Variants in ZKSCAN7 observed in about 807,000 individuals in gnomAD.
The protein encoded by ZKSCAN7 is zinc finger with KRAB and SCAN domains 7, also known as zinc finger protein with KRAB and SCAN domains 7.
A neutral mutation model predicts 65.3 loss-of-function variants in ZKSCAN7; 38 were observed. The observed-to-expected ratio is 0.58, with a 90% CI of 0.45 to 0.76. The LOEUF (loss-of-function observed/expected upper bound fraction) is 0.76, where lower values mean the gene tolerates loss of function less well. ZKSCAN7 is among the 30% of genes least tolerant of loss of function. ZKSCAN7 has a pLI of 0.00. For missense variants in ZKSCAN7, 815 were observed against 913.3 expected, an observed-to-expected ratio of 0.89 and a Z score of 1.39; for synonymous variants, 321 against 321.0, an observed-to-expected ratio of 1.00 and a Z score of 0.00.
In ZKSCAN7 at chr3:44,571,060, T is replaced by G. The variant is rs923059537; in HGVS notation, c.1950T>G (p.Leu650=). ...CGKSFNQNSH[L]IIHQRIHTGE... is the part of the protein sequence containing the mutation. Reference sequence around the variant, plus strand: ...AATCCTTCAATCAAAACTCACACCTTATTATACACCAGAGAATTCACACTG... The same window carrying G: ...AATCCTTCAATCAAAACTCACACCTGATTATACACCAGAGAATTCACACTG... The change falls in exon 6 of 6, where the codon CTT becomes CTG. Residue 650 remains leucine, a synonymous_variant. Coordinates refer to ENST00000426540, the MANE Select transcript of ZKSCAN7 (RefSeq NM_001288590.2). 1 of 1,614,088 alleles carries G rather than the reference T, an allele frequency of 6.2e-7. No individual in the cohort carries two copies. The highest frequency in any genetic ancestry group is 1.1e-5 in the South Asian group (1 of 91,074).
rs761118662 is a variant in ZKSCAN7, at chr3:44,557,379, G to A, written c.332G>A (p.Arg111Gln). 3.5e-5 allele frequency: 57 copies of A among 1,614,102 alleles called. No individual in the cohort carries two copies. Among genetic ancestry groups the A allele is most frequent in the African/African-American group, 8.0e-5 (6 of 74,922 alleles). ...CTGAGCATCCTCCCTGGGGAGCTCC[G>A]GACCTGGGTGCAGCTGCATCACCCT... ...QFLSILPGEL[R>Q]TWVQLHHPES... Residue 111 changes from arginine to glutamine, a missense_variant, in exon 2 of 6, where the codon CGG (arginine) becomes CAG (glutamine). Physicochemically the swap from Arg to Gln is conservative, Grantham distance 43 (BLOSUM62 1). Around this residue, in one of 3 missense-constraint regions of ZKSCAN7, gnomAD observed 227 missense variants for 253.3 expected, o/e 0.90. Transcript: ENST00000426540.
intron 2 of ZKSCAN7, among the ~76,000 whole-genome samples, chr3:44,559,317 A>C (rs994465635): frequency 1.3e-5 from 2 of 150,120 alleles, no homozygotes; most frequent in Non-Finnish European, 3.0e-5. Flanking sequence ...ATGAGTTTCA[A>C]ATTGTTCCCC....
At chr3:44,559,249 T>A (rs1195042316) in intron 2 of ZKSCAN7, among the ~76,000 whole-genome samples, 1 of 152,134 alleles carries the variant, frequency 6.6e-6, no homozygotes, top group East Asian at 1.9e-4. Flanking sequence ...GATGTTTGAT[T>A]AGTACCAAGT....
chr3:44,561,553 A>G (rs1699476068), intron 2 of ZKSCAN7, among the ~76,000 whole-genome samples: 1 of 152,218 alleles, frequency 6.6e-6, no homozygotes, highest in South Asian at 2.1e-4. Context: ...CACAGTCCAA[A>G]GTCTCATCTG....
At chr3:44,558,706 C>CTTCTTT (rs958649431) in intron 2 of ZKSCAN7, among the ~76,000 whole-genome samples, 1 of 149,450 alleles carries the variant, frequency 6.7e-6, no homozygotes, top group Non-Finnish European at 1.5e-5. Flanking sequence ...TTTGTCCTTT[C>CTTCTTT]TTCTTTTTCC....
intron 1 of ZKSCAN7, among the ~76,000 whole-genome samples, chr3:44,556,096 A>C (rs1445058927): frequency 6.6e-6 from 1 of 152,222 alleles, no homozygotes; most frequent in Non-Finnish European, 1.5e-5. Flanking sequence ...CCACCTCTCT[A>C]AGCCTAGCGT....
At chr3:44,560,949 C>A (rs1308027045) in intron 2 of ZKSCAN7, among the ~76,000 whole-genome samples, 1 of 152,182 alleles carries the variant, frequency 6.6e-6, no homozygotes, top group Non-Finnish European at 1.5e-5. Context: ...GTGGTTGTTT[C>A]TGATTACCAT....
At chr3:44,579,891 C>G (rs185431219) in intron 5 of ZKSCAN7, 1 of 1,602,322 alleles carries the variant, frequency 6.2e-7, no homozygotes, top group Admixed American at 1.7e-5. Context: ...TCGGGCGTCA[C>G]GGAGGGCTCT....
intron 5 of ZKSCAN7, chr3:44,580,680 C>T (rs1409757766): frequency 6.2e-7 from 1 of 1,613,986 alleles, no homozygotes; most frequent in East Asian, 2.2e-5. Context: ...CAGGGAGAAC[C>T]TCTGGCCCGT....
rs1020277044 is a variant in ZKSCAN7 at position 44,570,912 on chromosome 3, A to G, written c.1802A>G (p.His601Arg). ...CAACTCATTGAGCATGAGCGAATTC[A>G]TACTGGAGAAAAACCTTTTGAATGT... The part of the protein sequence containing the change: ...NSQLIEHERI[H>R]TGEKPFECSE... The change falls in exon 6 of 6, where the codon CAT becomes CGT. Residue 601 changes from histidine to arginine, a missense_variant. Transcript: ENST00000426540. 3 of 1,614,212 alleles carry G rather than the reference A, an allele frequency of 1.9e-6. No individual in the cohort carries two copies. Among genetic ancestry groups the G allele is most frequent in the Non-Finnish European group, 8.5e-7 (1 of 1,180,020 alleles).
At chr3:44,562,024 C>T (rs1206137823) in intron 2 of ZKSCAN7, among the ~76,000 whole-genome samples, 1 of 152,266 alleles carries the variant, frequency 6.6e-6, no homozygotes, top group African/African-American at 2.4e-5. Context: ...GTGGGGGCTC[C>T]AACCTTGCAT....
chr3:44,569,104 A>T (rs1216180100), intron 5 of ZKSCAN7, among the ~76,000 whole-genome samples: 6 of 152,210 alleles, frequency 3.9e-5, no homozygotes, highest in Admixed American at 6.5e-5. Context: ...TCATTGCTAT[A>T]GCCATTACGC....
Position 44,572,137 on chromosome 3 carries a change from A to G in ZKSCAN7, c.*762A>G. The G allele has an allele frequency of 4.1e-6, 4 of 985,160 alleles. No homozygotes were observed. The highest frequency in any genetic ancestry group is 4.8e-6 in the Non-Finnish European group (4 of 829,708). The allele number at this position is 985,160 out of a possible 1,614,324, so 61.0% of individuals were successfully genotyped here. A position where few individuals can be genotyped will look rare whatever the true frequency, so the allele number is the denominator to read the frequency against. On this transcript the variant is annotated 3_prime_UTR_variant, in exon 6 of 6. Transcript: ENST00000426540. ...GTATTTTGTACATACCAGTTGTTAA[A>G]TAAATAATTTTTAAAATCTCAGCTC...
At chr3:44,565,776 T>C (rs762471302) in intron 3 of ZKSCAN7, 121 bp downstream of exon 3, 5 of 1,053,206 alleles carry the variant, frequency 4.7e-6, no homozygotes, top group Non-Finnish European at 6.4e-6. Context: ...TGTCTGTCCT[T>C]CTTCCCTAGT....
intron 5 of ZKSCAN7, chr3:44,579,922 C>T: frequency 3.7e-6 from 6 of 1,601,384 alleles, no homozygotes; most frequent in South Asian, 1.1e-5. Context: ...TGTCCAGTGA[C>T]TTGGCTCTTC....
At chr3:44,567,247 G>A (rs1159861280) in intron 3 of ZKSCAN7, among the ~76,000 whole-genome samples, 1 of 151,496 alleles carries the variant, frequency 6.6e-6, no homozygotes, top group East Asian at 1.9e-4. Flanking sequence ...AGGAGGGGAA[G>A]GGAAGGGAAG....
chr3:44,556,564 G>A lies in ZKSCAN7; in HGVS notation c.-118-366G>A, dbSNP rs558101400. 5.9e-5 allele frequency among the ~76,000 whole-genome samples: 9 copies of A among 152,284 alleles called. No individual in the cohort carries two copies. The East Asian group carries it at 1.7e-3, about 29-fold the overall frequency. ...CACATTATAAAACATACATTAAATA[G>A]GAGTTAAATAACTTAGTATTTTCTC... On this transcript the variant is annotated intron_variant, in intron 1 of 5. Coordinates refer to ENST00000426540, the MANE Select transcript of ZKSCAN7 (RefSeq NM_001288590.2).
rs769445873 is a variant in ZKSCAN7 at position 44,569,955 on chromosome 3, C to T, written c.845C>T (p.Thr282Ile). Residue 282 changes from threonine (T) to isoleucine (I), a missense_variant, in exon 6 of 6, where the codon ACT (threonine) becomes ATT (isoleucine). Physicochemically the swap from Thr to Ile is moderately conservative, Grantham distance 89 (BLOSUM62 -1). Transcript: ENST00000426540. ...AACATGATGAAGGGTTCAGAGTTGA[C>T]TCCAAAGCAGGAATTTTTTAAAGGA... ...GENMMKGSELTPKQEFFKGSE... is the reference protein window; with the variant it reads ...GENMMKGSELIPKQEFFKGSE... 4 of 1,565,140 alleles carry T rather than the reference C, an allele frequency of 2.6e-6. No individual in the cohort carries two copies. The South Asian group carries it at 3.7e-5, about 14-fold the overall frequency.
downstream of ZKSCAN7, among the ~76,000 whole-genome samples, chr3:44,574,234 C>T (rs1024966955): frequency 6.6e-6 from 1 of 152,096 alleles, no homozygotes; most frequent in African/African-American, 2.4e-5. Flanking sequence ...ACTTCAGCCT[C>T]CCAAGTAGCT....
Sources: allele counts gnomAD v4.1 joint callset (sites outside exome capture counted in the v4.1 genomes callset), GRCh38; gene constraint gnomAD v4.1.1; regional missense constraint gnomAD v4.1.1; transcripts MANE v1.5; gene names NCBI Gene and HGNC (gene_info 2026-07-23, HGNC 2026-07-21).